IL12B: variants seen among roughly 807,000 people sequenced by gnomAD.
IL12B encodes the protein interleukin 12B.
IL12B carries 27 observed loss-of-function variants against 39.2 expected under a neutral mutation model. The ratio of observed to expected loss-of-function variants is 0.69; its 90% CI spans 0.51 to 0.95. IL12B has a LOEUF of 0.95. Ranked by LOEUF, IL12B falls within the 40% of genes least tolerant of loss-of-function variation. The pLI, the probability that IL12B is intolerant of heterozygous loss-of-function variation, is 0.00. For synonymous variants in IL12B, 142 were observed against 152.1 expected (o/e 0.93, Z 0.49); for missense variants, 351 against 397.6 (o/e 0.88, Z 1.00).
chr5:159,316,395 T>G (rs2853697), intron 7 of IL12B, among the ~76,000 whole-genome samples: 22,909 of 152,240 alleles, frequency 0.15, 1,960 homozygotes, highest in Non-Finnish European at 0.18. Flanking sequence ...TTGCAAGTCC[T>G]CCATGCTCTG....
chr5:159,318,820 C>T lies in IL12B; in HGVS notation c.771G>A (p.Glu257=). Residue 257 remains glutamate (E), a synonymous_variant, in exon 6 of 8, where the codon GAG becomes GAA. Coordinates refer to ENST00000231228, the MANE Select transcript of IL12B (RefSeq NM_002187.3). ...KNSRQVEVSW[E]YPDTWSTPHS... ...GTGGAGTACTCCAGGTGTCAGGGTA[C>T]TCCCAGCTGACCTCCACCTGCCGAG... The T allele has an allele frequency of 1.2e-6, 2 of 1,614,010 alleles. No individual in the cohort carries two copies. The highest frequency in any genetic ancestry group is 1.7e-6 in the Non-Finnish European group (2 of 1,179,884).
At chr5:159,317,420 A>T (rs1754007141) in intron 6 of IL12B, among the ~76,000 whole-genome samples, 1 of 152,264 alleles carries the variant, frequency 6.6e-6, no homozygotes, top group African/African-American at 2.4e-5. Context: ...AAATAGGGAA[A>T]GTACTTGCCA....
rs1753961193 is a variant in IL12B at position 159,314,802 on chromosome 5, T to A, written c.*1299A>T. ...AAATATGATTACAAAGAAGAGTTTT[T>A]ATTAGTTCAGCCTCAGAATGCAAAA... is the stretch of plus-strand genomic sequence containing the variant. On this transcript the variant is annotated 3_prime_UTR_variant, in exon 8 of 8. Transcript: ENST00000231228. 6.6e-6 allele frequency: 1 copy of A among 152,340 alleles called. No individual in the cohort carries two copies. The highest frequency in any genetic ancestry group is 2.4e-5 in the African/African-American group (1 of 41,448). 9.4% of individuals were successfully genotyped at this position (152,340 alleles called of 1,614,324 possible).
At chr5:159,327,630 G>T (rs1584757038) in intron 1 of IL12B, among the ~76,000 whole-genome samples, 1 of 152,216 alleles carries the variant, frequency 6.6e-6, no homozygotes, top group East Asian at 1.9e-4. Flanking sequence ...GAGGGCCTGA[G>T]AATATGCATT....
intron 2 of IL12B, 80 bp from the exon 3 acceptor site, chr5:159,323,409 C>T: frequency 7.5e-7 from 1 of 1,332,030 alleles, no homozygotes; most frequent in East Asian, 2.3e-5. Context: ...CTTCGGGCAT[C>T]CCCATTGCCT....
rs555407235 is a variant in IL12B at position 159,323,645 on chromosome 5, C to A, written c.89-316G>T. 8.7e-4 allele frequency among the ~76,000 whole-genome samples: 132 copies of A among 152,220 alleles called. 1 individual carries two copies. Among genetic ancestry groups the A allele is most frequent in the Admixed American group, 8.6e-3 (131 of 15,292 alleles). ...ACTGCAAACAGCACAAGACTCTTTG[C>A]CAAAGGTCTGGGGGAGAGAAACTTC... On this transcript the variant is annotated intron_variant, in intron 2 of 7. Coordinates refer to ENST00000231228, the MANE Select transcript of IL12B (RefSeq NM_002187.3).
At chr5:159,320,572 C>G (rs757477829) in intron 4 of IL12B, 52 bp from the exon 5 acceptor site, 1 of 1,467,900 alleles carries the variant, frequency 6.8e-7, no homozygotes. Context: ...GAGAGAGTTC[C>G]TAGTGATTGT....
intron 2 of IL12B, among the ~76,000 whole-genome samples, chr5:159,323,768 A>C (rs1489012881): frequency 6.6e-6 from 1 of 152,188 alleles, no homozygotes; most frequent in Non-Finnish European, 1.5e-5. Flanking sequence ...CAACGAACCA[A>C]GACTGTCATC....
intron 5 of IL12B, 70 bp downstream of exon 5, chr5:159,320,236 A>T (rs1754062832): frequency 2.3e-6 from 3 of 1,287,850 alleles, no homozygotes; most frequent in African/African-American, 2.9e-5. Flanking sequence ...CCCACAGTGC[A>T]TGGGGCATTG....
rs550433182 is a variant in IL12B at position 159,324,085 on chromosome 5, A to G, written c.89-756T>C. ...TTTTAAATCACCAGTGGAGATTTTCATTCTCTCTGCATTATTATTATTATT... is the reference window on the plus strand; with the variant it reads ...TTTTAAATCACCAGTGGAGATTTTCGTTCTCTCTGCATTATTATTATTATT... On this transcript the variant is annotated intron_variant, in intron 2 of 7. Transcript: ENST00000231228. Among the ~76,000 whole-genome samples, 10 of 147,790 alleles carry G rather than the reference A, an allele frequency of 6.8e-5. No individual in the cohort carries two copies. In the South Asian group the frequency reaches 2.0e-3, roughly 30 times the overall value.
In IL12B at chr5:159,323,210, C is replaced by T. The variant is rs201684769; in HGVS notation, c.208G>A (p.Gly70Ser). The change falls in exon 3 of 8, where the codon GGC becomes AGC. Residue 70 changes from glycine (G) to serine (S), a missense_variant. Physicochemically the swap from Gly to Ser is moderately conservative, Grantham distance 56 (BLOSUM62 0). Transcript: ENST00000231228. Reference protein sequence around the residue: ...WTLDQSSEVLGSGKTLTIQVK... With the variant: ...WTLDQSSEVLSSGKTLTIQVK... ...TGGATGGTCAGGGTTTTGCCAGAGC[C>T]TAAGACCTCACTGCTCTGGTCCAAG... 8 of 1,614,124 alleles carry T rather than the reference C, an allele frequency of 5.0e-6. No homozygotes were observed. The highest frequency in any genetic ancestry group is 1.7e-4 in the Middle Eastern group (1 of 6,060).
At chr5:159,325,366 G>C (rs1448044259) in intron 2 of IL12B, among the ~76,000 whole-genome samples, 1 of 152,176 alleles carries the variant, frequency 6.6e-6, no homozygotes, top group East Asian at 1.9e-4. Context: ...CATGGAGAAG[G>C]GGTGGCTGGA....
intron 3 of IL12B, among the ~76,000 whole-genome samples, chr5:159,322,824 C>T (rs367551608): frequency 3.0e-4 from 45 of 152,296 alleles, no homozygotes; most frequent in African/African-American, 1.1e-3. Context: ...TGAGGCTAAG[C>T]ATTCAGACTG....
Position 159,315,662 on chromosome 5 carries a change from A to G in IL12B, c.*439T>C, listed in dbSNP as rs1753977553. ...GTATCAGAACACTGCATTCTTCCTGATTGTCATAAAACTGATGTACTTGCA... is the reference window on the plus strand; with the variant it reads ...GTATCAGAACACTGCATTCTTCCTGGTTGTCATAAAACTGATGTACTTGCA... On this transcript the variant is annotated 3_prime_UTR_variant, in exon 8 of 8. Transcript: ENST00000231228. The G allele has an allele frequency of 6.5e-6, 1 of 152,722 alleles. No homozygotes were observed. Among genetic ancestry groups the G allele is most frequent in the South Asian group, 2.1e-4 (1 of 4,830 alleles). The allele number at this position is 152,722 out of a possible 1,614,324, so 9.5% of individuals were successfully genotyped here.
At chr5:159,321,727 G>T (rs1754097010) in intron 4 of IL12B, among the ~76,000 whole-genome samples, 2 of 152,162 alleles carry the variant, frequency 1.3e-5, no homozygotes, top group Admixed American at 1.3e-4. Context: ...ATGAAAAAGT[G>T]AGACCCCAAT....
At chr5:159,319,285 C>T (rs906904477) in intron 5 of IL12B, among the ~76,000 whole-genome samples, 1 of 152,244 alleles carries the variant, frequency 6.6e-6, no homozygotes, top group African/African-American at 2.4e-5. Context: ...AGCTGAGCCT[C>T]TCCCTGGGGA....
At chr5:159,327,522 A>G (rs1347414227) in intron 1 of IL12B, among the ~76,000 whole-genome samples, 2 of 152,202 alleles carry the variant, frequency 1.3e-5, no homozygotes, top group Non-Finnish European at 1.5e-5. Context: ...TAGAGAACCT[A>G]GTGGTTCTAA....
At chr5:159,328,305 A>C (rs1230882455) in intron 1 of IL12B, among the ~76,000 whole-genome samples, 3 of 151,474 alleles carry the variant, frequency 2.0e-5, no homozygotes, top group Non-Finnish European at 4.4e-5. Context: ...GGCACAGGGC[A>C]CCGGTTAGTA....
chr5:159,319,005 TACTTA>T, intron 5 of IL12B, 112 bp from the exon 6 acceptor site: 1 of 930,900 alleles, frequency 1.1e-6, no homozygotes, highest in Non-Finnish European at 1.7e-6. Context: ...ACTGGATAGT[TACTTA>T]ACTTCTGTGA....
Sources: gnomAD v4.1 joint callset for allele counts (sites outside exome capture counted in the v4.1 genomes callset) on GRCh38, gnomAD v4.1.1 for gene constraint, MANE v1.5 for transcripts, NCBI Gene and HGNC (gene_info 2026-07-23, HGNC 2026-07-21) for gene names.